The following FAM153A variants were observed in gnomAD, a reference collection of about 807,000 sequenced individuals.
The protein encoded by FAM153A is protein FAM153A.
Under a neutral mutation model 48.1 loss-of-function variants are expected in FAM153A, and 12 were observed. The ratio of observed to expected loss-of-function variants is 0.25; its 90% CI spans 0.16 to 0.40. FAM153A has a LOEUF of 0.40. FAM153A is among the 10% of genes least tolerant of loss of function. The pLI is 1.00. For missense variants in FAM153A, 111 were observed against 345.8 expected (o/e 0.32, Z 5.38); for synonymous variants, 36 against 118.2 (o/e 0.30, Z 4.51).
the FAM153A span, among the ~76,000 whole-genome samples, chr5:177,700,459 G>C: frequency 6.6e-6 from 1 of 151,870 alleles, no homozygotes; most frequent in African/African-American, 2.4e-5. Context: ...AAAACTATGA[G>C]AGCTAATGAA....
At chr5:177,706,052 C>T (rs1203300886), downstream of FAM153A, among the ~76,000 whole-genome samples, 2 of 151,802 alleles carry the variant, frequency 1.3e-5, no homozygotes, top group Admixed American at 6.5e-5. Flanking sequence ...CAGTGTTTCC[C>T]AAATTAATCT....
upstream of FAM153A, chr5:177,782,349 C>T (rs550936410): frequency 1.9e-4 from 49 of 252,262 alleles, 4 homozygotes; most frequent in African/African-American, 1.4e-3. Flanking sequence ...TGCCTGTCCC[C>T]GGCTTCCAGG....
chr5:177,700,028 C>T, the FAM153A span, among the ~76,000 whole-genome samples: 1 of 151,926 alleles, frequency 6.6e-6, no homozygotes, highest in Non-Finnish European at 1.5e-5. Context: ...GGGATTTATC[C>T]CAGGAATGCA....
intron 10 of FAM153A, among the ~76,000 whole-genome samples, chr5:177,737,743 C>A (rs557874900): frequency 6.6e-6 from 1 of 151,628 alleles, no homozygotes; most frequent in Non-Finnish European, 1.5e-5. Flanking sequence ...TGGTTTCGAA[C>A]GCCTGACCTC....
the FAM153A span, among the ~76,000 whole-genome samples, chr5:177,701,682 T>C: frequency 1.3e-5 from 2 of 151,864 alleles, no homozygotes; most frequent in African/African-American, 2.4e-5. Context: ...GGCATTACTG[T>C]AAAGATAGCT....
chr5:177,700,535 G>A, the FAM153A span, among the ~76,000 whole-genome samples: 1 of 151,918 alleles, frequency 6.6e-6, no homozygotes. Flanking sequence ...GGGCGTGGTA[G>A]CTCATGCCTG....
chr5:177,714,212 A>C (rs978824630), intron 25 of FAM153A: 5 of 150,660 alleles, frequency 3.3e-5, no homozygotes, highest in Non-Finnish European at 7.4e-5. Context: ...TATGAAAAGC[A>C]ATATATTAAC....
chr5:177,698,003 T>C, the FAM153A span, among the ~76,000 whole-genome samples: 1 of 150,910 alleles, frequency 6.6e-6, no homozygotes, highest in East Asian at 1.9e-4. Context: ...GTGGCTGACA[T>C]TTGGGCAGCT....
At chr5:177,782,843 A>AGTCGTTAGGCGCGCGCCTGCACCGCGGGG (rs1769817926), upstream of FAM153A, 1 of 67,638 alleles carries the variant, frequency 1.5e-5, no homozygotes, top group Non-Finnish European at 2.9e-5. Context: ...AGCCTCGCAA[A>AGTCGTTAGGCGCGCGCCTGCACCGCGGGG]GCCGCCCGGC....
intron 1 of FAM153A, among the ~76,000 whole-genome samples, chr5:177,758,370 GAATC>G (rs1171763665): frequency 6.9e-6 from 1 of 144,092 alleles, no homozygotes; most frequent in African/African-American, 2.5e-5. Context: ...TGGGTAGAAA[GAATC>G]AATATTGTGA....
At chr5:177,701,047 G>A in the FAM153A span, among the ~76,000 whole-genome samples, 1 of 151,696 alleles carries the variant, frequency 6.6e-6, no homozygotes, top group Admixed American at 6.6e-5. Flanking sequence ...CCCCTTGGTG[G>A]TGGTCTCGTG....
At chr5:177,707,073 C>G (rs1363023594), downstream of FAM153A, among the ~76,000 whole-genome samples, 1 of 151,946 alleles carries the variant, frequency 6.6e-6, no homozygotes, top group African/African-American at 2.4e-5. Flanking sequence ...GAGCAACAGA[C>G]AGAGACAGAC....
rs1763110266 is a variant in FAM153A at position 177,728,570 on chromosome 5, TTTTTG to T, written c.964+448_964+452del. Among the ~76,000 whole-genome samples, 8 of 143,354 alleles carry T rather than the reference TTTTTG, an allele frequency of 5.6e-5. No individual in the cohort carries two copies. The South Asian group carries it at 1.5e-3, about 27-fold the overall frequency. The allele number at this position is 143,354 out of a possible 152,430, so 94.0% of individuals were successfully genotyped here. ...GTTGGGGTGTTTTTTTTTTTGTTTG[TTTTTG>T]TTTTTTTTTTTGAGACGGAGTTTCG... On this transcript the variant is annotated intron_variant, in intron 18 of 20. Coordinates refer to ENST00000614127, the Ensembl canonical transcript of FAM153A.
At chr5:177,705,658 CTTTTTTTTTT>C (rs70994931), downstream of FAM153A, among the ~76,000 whole-genome samples, 1 of 79,822 alleles carries the variant, frequency 1.3e-5, no homozygotes, top group South Asian at 4.8e-4. Context: ...TTTTCTTTTT[CTTTTTTTTTT>C]TTTTTTTTTT....
chr5:177,715,652 T>C (rs935852279), intron 25 of FAM153A, among the ~76,000 whole-genome samples: 1 of 151,806 alleles, frequency 6.6e-6, no homozygotes, highest in Non-Finnish European at 1.5e-5. Flanking sequence ...AGGCTAAGAT[T>C]GCTGGGAGCC....
At chr5:177,764,332 T>G (rs945054026) in intron 1 of FAM153A, among the ~76,000 whole-genome samples, 3 of 151,616 alleles carry the variant, frequency 2.0e-5, no homozygotes, top group Non-Finnish European at 4.4e-5. Flanking sequence ...TGTGAACAAC[T>G]GGGCTAATCC....
At chr5:177,754,417 A>G (rs1270060865), upstream of FAM153A, among the ~76,000 whole-genome samples, 3 of 151,928 alleles carry the variant, frequency 2.0e-5, no homozygotes, top group East Asian at 5.8e-4. Context: ...GGGGCAGGGC[A>G]TAGCCAAACA....
At chr5:177,717,296 C>T (rs1760054225), downstream of FAM153A, 2 of 140,538 alleles carry the variant, frequency 1.4e-5, no homozygotes, top group South Asian at 4.8e-4. Flanking sequence ...TTTTCATTTG[C>T]CTGTTGAAAG....
downstream of FAM153A, among the ~76,000 whole-genome samples, chr5:177,703,899 TTC>T (rs571357836): frequency 4.2e-3 from 17 of 4,036 alleles, 1 homozygote; most frequent in African/African-American, 0.021. Flanking sequence ...TGGAGGCGGT[TTC>T]TCTGTTTGAG....
Sources: allele counts gnomAD v4.1 joint callset (sites outside exome capture counted in the v4.1 genomes callset), GRCh38; gene constraint gnomAD v4.1.1; transcripts MANE v1.5; gene names NCBI Gene and HGNC (gene_info 2026-07-23, HGNC 2026-07-21).